Variants in IGSF10 observed in about 807,000 individuals in gnomAD.
IGSF10 encodes immunoglobulin superfamily member 10.
Under a neutral mutation model 128.2 loss-of-function variants are expected in IGSF10, and 126 were observed. That is an observed-to-expected ratio of 0.98 (90% CI 0.85 to 1.14). The LOEUF (loss-of-function observed/expected upper bound fraction) is 1.14, where lower values mean the gene tolerates loss of function less well. IGSF10 is among the 50% of genes most tolerant of loss of function. IGSF10 has a pLI of 0.00. For missense variants in IGSF10, 3,295 were observed against 3,149.8 expected (o/e 1.05, Z -1.10); for synonymous variants, 1,185 against 1,146.2 (o/e 1.03, Z -0.68).
At chr3:151,593,128 A>G in the IGSF10 span, among the ~76,000 whole-genome samples, 1 of 152,106 alleles carries the variant, frequency 6.6e-6, no homozygotes, top group African/African-American at 2.4e-5. Context: ...CTAATTAATT[A>G]TTTTTTAATT....
the IGSF10 span, among the ~76,000 whole-genome samples, chr3:151,526,733 T>C: frequency 6.6e-6 from 1 of 152,344 alleles, no homozygotes; most frequent in African/African-American, 2.4e-5. Context: ...TCAGATTTAC[T>C]CCAGTCTTCT....
At chr3:151,577,761 G>A in the IGSF10 span, among the ~76,000 whole-genome samples, 1 of 151,920 alleles carries the variant, frequency 6.6e-6, no homozygotes, top group Non-Finnish European at 1.5e-5. Context: ...GAATGCATCA[G>A]AGAGTTGAGT....
the IGSF10 span, among the ~76,000 whole-genome samples, chr3:151,531,205 TA>T: frequency 6.6e-6 from 1 of 152,112 alleles, no homozygotes; most frequent in African/African-American, 2.4e-5. Context: ...CTGAGAGACC[TA>T]AAAAGAGACT....
chr3:151,592,469 T>C, the IGSF10 span, among the ~76,000 whole-genome samples: 5 of 152,118 alleles, frequency 3.3e-5, no homozygotes, highest in Non-Finnish European at 5.9e-5. Context: ...GTCCTCCAAG[T>C]TCTAGGGGGA....
chr3:151,614,386 G>T, the IGSF10 span, among the ~76,000 whole-genome samples: 2 of 152,128 alleles, frequency 1.3e-5, no homozygotes, highest in East Asian at 1.9e-4. Context: ...GTTTATAGCG[G>T]CACTATTCAC....
At chr3:151,492,178 C>T in the IGSF10 span, among the ~76,000 whole-genome samples, 7 of 152,174 alleles carry the variant, frequency 4.6e-5, no homozygotes, top group South Asian at 2.1e-4. Context: ...ACAAATAACA[C>T]GATTTTTTTA....
At chr3:151,488,437 C>T in the IGSF10 span, among the ~76,000 whole-genome samples, 1 of 152,128 alleles carries the variant, frequency 6.6e-6, no homozygotes, top group Non-Finnish European at 1.5e-5. Flanking sequence ...CATCAAGCTA[C>T]AATTGACTTT....
At chr3:151,562,008 C>T in the IGSF10 span, among the ~76,000 whole-genome samples, 1 of 152,138 alleles carries the variant, frequency 6.6e-6, no homozygotes, top group Admixed American at 6.6e-5. Context: ...AGAGCAACTC[C>T]ATCTTGAAAA....
Position 151,445,775 on chromosome 3 carries a change from AGTTGT to A in IGSF10, c.4201_4205del (p.Thr1401TrpfsTer14), listed in dbSNP as rs749318032. 6.2e-7 allele frequency: 1 copy of A among 1,614,166 alleles called. No homozygotes were observed. Among genetic ancestry groups the A allele is most frequent in the Non-Finnish European group, 8.5e-7 (1 of 1,180,028 alleles). On this transcript the variant is annotated frameshift_variant, in exon 6 of 8. Coordinates refer to ENST00000282466, the MANE Select transcript of IGSF10 (RefSeq NM_178822.5). LOFTEE classifies it high-confidence loss of function. Reference sequence around the variant, plus strand: ...GAAAACTGATTGTGCTTGAAATCCCAGTTGTGTTTTCTGGTGGGGAATGAGTGAAT... The same window carrying A: ...GAAAACTGATTGTGCTTGAAATCCCAGTTTTCTGGTGGGGAATGAGTGAAT...
the IGSF10 span, among the ~76,000 whole-genome samples, chr3:151,550,970 T>C: frequency 6.6e-6 from 1 of 152,134 alleles, no homozygotes; most frequent in Non-Finnish European, 1.5e-5. Flanking sequence ...CCCCATTGGC[T>C]CTCACTCCTT....
chr3:151,569,926 C>T, the IGSF10 span, among the ~76,000 whole-genome samples: 52 of 151,014 alleles, frequency 3.4e-4, no homozygotes, highest in Admixed American at 1.3e-3. Flanking sequence ...ACGTTCCCCT[C>T]CCTGTGTCCA....
At chr3:151,470,773 T>G in the IGSF10 span, among the ~76,000 whole-genome samples, 1 of 151,824 alleles carries the variant, frequency 6.6e-6, no homozygotes, top group East Asian at 1.9e-4. Context: ...GCCAAACTGG[T>G]AGAAACTTCA....
chr3:151,509,736 G>A, the IGSF10 span, among the ~76,000 whole-genome samples: 1 of 152,194 alleles, frequency 6.6e-6, no homozygotes, highest in African/African-American at 2.4e-5. Flanking sequence ...TCAAAGAAAG[G>A]GGTGACAGAC....
chr3:151,456,295 G>A (rs1024965331), intron 4 of IGSF10, among the ~76,000 whole-genome samples: 1 of 152,114 alleles, frequency 6.6e-6, no homozygotes, highest in Non-Finnish European at 1.5e-5. Flanking sequence ...TCTTTTACAA[G>A]GATATTATTG....
At chr3:151,515,495 G>T in the IGSF10 span, among the ~76,000 whole-genome samples, 1 of 148,508 alleles carries the variant, frequency 6.7e-6, no homozygotes, top group African/African-American at 2.5e-5. Flanking sequence ...GGGAGGGATA[G>T]CATTAGGACA....
At chr3:151,433,953 A>G (rs1219827717), downstream of IGSF10, 3 of 152,636 alleles carry the variant, frequency 2.0e-5, no homozygotes, top group African/African-American at 7.2e-5. Context: ...ACTTTGTTCA[A>G]GTATGTGGTA....
At chr3:151,595,835 C>A in the IGSF10 span, among the ~76,000 whole-genome samples, 6 of 151,070 alleles carry the variant, frequency 4.0e-5, no homozygotes, top group South Asian at 1.3e-3. Flanking sequence ...TTAAAGGGTA[C>A]AAAGTTGCAG....
At chr3:151,571,020 G>A in the IGSF10 span, among the ~76,000 whole-genome samples, 2,467 of 152,232 alleles carry the variant, frequency 0.016, 22 homozygotes, top group South Asian at 0.025. Context: ...GTTTTTGTCA[G>A]GTTTGTCAAT....
At chr3:151,530,214 A>G in the IGSF10 span, among the ~76,000 whole-genome samples, 130 of 152,242 alleles carry the variant, frequency 8.5e-4, no homozygotes, top group South Asian at 0.011. Flanking sequence ...GACTATGTGA[A>G]AAGACCAAAT....
Sources: allele counts gnomAD v4.1 joint callset (sites outside exome capture counted in the v4.1 genomes callset), GRCh38; gene constraint gnomAD v4.1.1; transcripts MANE v1.5; gene names NCBI Gene and HGNC (gene_info 2026-07-23, HGNC 2026-07-21).